The following SAMD5 variants were observed in gnomAD, a reference collection of about 807,000 sequenced individuals.
The protein encoded by SAMD5 is sterile alpha motif domain containing 5.
A neutral mutation model predicts 11.3 loss-of-function variants in SAMD5; 13 were observed. The ratio of observed to expected loss-of-function variants is 1.15; its 90% confidence interval spans 0.75 to 1.83. The LOEUF is 1.83. Ranked by LOEUF, SAMD5 falls within the 40% of genes most tolerant of loss-of-function variation. The pLI is 0.00. For synonymous variants in SAMD5, 129 were observed against 111.3 expected, an observed-to-expected ratio of 1.16 and a Z score of -1.00; for missense variants, 255 against 239.1, an observed-to-expected ratio of 1.07 and a Z score of -0.44.
chr6:147,857,628 T>G, the SAMD5 span, among the ~76,000 whole-genome samples: 4 of 149,416 alleles, frequency 2.7e-5, no homozygotes, highest in Non-Finnish European at 5.9e-5. Flanking sequence ...TTGGCATAAA[T>G]TGTATCATGT....
At chr6:147,673,443 G>A (rs1477141493) in intron 1 of SAMD5, among the ~76,000 whole-genome samples, 1 of 152,114 alleles carries the variant, frequency 6.6e-6, no homozygotes, top group Non-Finnish European at 1.5e-5. Flanking sequence ...TTGATCGCCT[G>A]ACCTCTTGAT....
chr6:147,899,765 C>T, the SAMD5 span, among the ~76,000 whole-genome samples: 1 of 152,190 alleles, frequency 6.6e-6, no homozygotes, highest in African/African-American at 2.4e-5. Context: ...TATTTCCTCC[C>T]TGATAGTTGA....
intron 1 of SAMD5, among the ~76,000 whole-genome samples, chr6:147,634,117 A>G (rs558929836): frequency 1.3e-5 from 2 of 152,306 alleles, no homozygotes; most frequent in East Asian, 1.9e-4. Context: ...TTCACTTAGC[A>G]TAATATGTTT....
rs374376801 is a variant in SAMD5 at position 147,726,173 on chromosome 6, C to T, written c.163-11144C>T. Among the ~76,000 whole-genome samples, 10 of 152,132 alleles carry T rather than the reference C, an allele frequency of 6.6e-5. No homozygotes were observed. In the East Asian group the frequency reaches 1.5e-3, roughly 23 times the overall value. On this transcript the variant is annotated intron_variant, in intron 1 of 1. Coordinates refer to the SAMD5 transcript ENST00000566741. ...TGGTTTCTGCTTCAATGAGGCTGTT[C>T]ACAAATGGAAAATTATCTGAAATTA...
At chr6:147,631,258 C>T (rs1030646271) in intron 1 of SAMD5, among the ~76,000 whole-genome samples, 1 of 151,962 alleles carries the variant, frequency 6.6e-6, no homozygotes, top group Non-Finnish European at 1.5e-5. Flanking sequence ...ACACAAGGTC[C>T]GAATAAGAGA....
chr6:147,529,695 C>T (rs1207624436), intron 1 of SAMD5, among the ~76,000 whole-genome samples: 1 of 152,154 alleles, frequency 6.6e-6, no homozygotes, highest in Non-Finnish European at 1.5e-5. Context: ...ACTTCATCTC[C>T]ACCTCTAAGT....
At chr6:147,629,324 A>T (rs1288358402) in intron 1 of SAMD5, among the ~76,000 whole-genome samples, 2 of 50,434 alleles carry the variant, frequency 4.0e-5, no homozygotes, top group Non-Finnish European at 1.4e-4. Flanking sequence ...AAATAATAAT[A>T]AAAAAAATCT....
chr6:147,919,247 A>C, the SAMD5 span, among the ~76,000 whole-genome samples: 1 of 152,222 alleles, frequency 6.6e-6, no homozygotes, highest in East Asian at 1.9e-4. Context: ...CCTCTGCCCC[A>C]TCAAAAATCT....
chr6:147,945,374 T>C, the SAMD5 span, among the ~76,000 whole-genome samples: 2 of 152,220 alleles, frequency 1.3e-5, no homozygotes, highest in Non-Finnish European at 2.9e-5. Context: ...TGTGTATGCT[T>C]TACCTCCAAA....
the SAMD5 span, among the ~76,000 whole-genome samples, chr6:147,897,017 G>A: frequency 6.6e-6 from 1 of 152,104 alleles, no homozygotes; most frequent in Admixed American, 6.5e-5. Context: ...AGGTGGGATC[G>A]GGGGAAGTGA....
the SAMD5 span, among the ~76,000 whole-genome samples, chr6:147,830,263 T>TTTTTTTTTTTTTTTTTTTTTTC: frequency 7.2e-6 from 1 of 139,200 alleles, no homozygotes; most frequent in African/African-American, 2.7e-5. Flanking sequence ...TTTTTTTTTT[T>TTTTTTTTTTTTTTTTTTTTTTC]TTTTTTTTTT....
chr6:147,631,731 A>G (rs968828963), intron 1 of SAMD5, among the ~76,000 whole-genome samples: 1 of 152,174 alleles, frequency 6.6e-6, no homozygotes, highest in Non-Finnish European at 1.5e-5. Flanking sequence ...GACTCAGGGC[A>G]TGTGAGTAAA....
the SAMD5 span, among the ~76,000 whole-genome samples, chr6:147,894,124 G>GT: frequency 2.9e-5 from 4 of 139,402 alleles, no homozygotes; most frequent in African/African-American, 2.6e-5. Flanking sequence ...TCTTTGTTTT[G>GT]TATTTTTTTT....
chr6:147,864,455 C>G, the SAMD5 span, among the ~76,000 whole-genome samples: 1 of 152,172 alleles, frequency 6.6e-6, no homozygotes, highest in Non-Finnish European at 1.5e-5. Flanking sequence ...CTGAGCAGTG[C>G]TCCACACAGT....
In SAMD5 at chr6:147,689,387, C is replaced by A. The variant is rs144155629; in HGVS notation, c.163-47930C>A. Among the ~76,000 whole-genome samples, 63 of 152,198 alleles carry A rather than the reference C, an allele frequency of 4.1e-4. 1 individual carries two copies. In the East Asian group the frequency reaches 9.8e-3, roughly 24 times the overall value. On this transcript the variant is annotated intron_variant, in intron 1 of 1. Coordinates refer to the SAMD5 transcript ENST00000566741. Reference sequence around the variant, plus strand: ...CAGCCATACTTCCAAAATATACCAACTCATTACCTTGGAAAATCTAATGAA... The same window carrying A: ...CAGCCATACTTCCAAAATATACCAAATCATTACCTTGGAAAATCTAATGAA...
chr6:147,692,014 G>T lies in SAMD5; in HGVS notation c.163-45303G>T, dbSNP rs1366270081. On this transcript the variant is annotated intron_variant, in intron 1 of 1. Transcript: ENST00000566741. ...ACACACCCCCCTGATTGAGTGCCAG[G>T]TACTAAACATGATTTGTCCACATTA... Among the ~76,000 whole-genome samples, 5 of 152,000 alleles carry T rather than the reference G, an allele frequency of 3.3e-5. No individual in the cohort carries two copies. The East Asian group carries it at 7.7e-4, about 24-fold the overall frequency.
chr6:147,788,215 A>G, the SAMD5 span, among the ~76,000 whole-genome samples: 3 of 152,236 alleles, frequency 2.0e-5, no homozygotes, highest in Non-Finnish European at 4.4e-5. Context: ...ACATTGAAAC[A>G]GAATCCTATG....
intron 1 of SAMD5, among the ~76,000 whole-genome samples, chr6:147,666,848 T>C (rs1017684498): frequency 1.3e-5 from 2 of 152,190 alleles, no homozygotes; most frequent in Admixed American, 1.3e-4. Flanking sequence ...TTGTCCCAGC[T>C]TGTTTATTCC....
At chr6:147,737,108 C>G (rs1387165494) in intron 1 of SAMD5, among the ~76,000 whole-genome samples, 14 of 151,988 alleles carry the variant, frequency 9.2e-5, no homozygotes. Flanking sequence ...ATATTATATA[C>G]ATTATAGTGT....
Sources: gnomAD v4.1 joint callset for allele counts (sites outside exome capture counted in the v4.1 genomes callset) on GRCh38, gnomAD v4.1.1 for gene constraint, MANE v1.5 for transcripts, NCBI Gene and HGNC (gene_info 2026-07-23, HGNC 2026-07-21) for gene names.